PLXNA4: variants seen among roughly 807,000 people sequenced by gnomAD.
The protein encoded by PLXNA4 is plexin-A4.
A neutral mutation model predicts 191.8 loss-of-function variants in PLXNA4; 44 were observed. That is an observed-to-expected ratio of 0.23 (90% CI 0.18 to 0.29). The LOEUF (loss-of-function observed/expected upper bound fraction) is 0.29, where lower values mean the gene tolerates loss of function less well. Ranked by LOEUF, PLXNA4 falls within the 10% of genes least tolerant of loss-of-function variation. The pLI is 1.00. For missense variants in PLXNA4, 1,800 were observed against 2,488.8 expected (o/e 0.72, Z 5.89); for synonymous variants, 1,082 against 1,009.5 (o/e 1.07, Z -1.36).
intron 3 of PLXNA4, among the ~76,000 whole-genome samples, chr7:132,392,634 G>T (rs960277744): frequency 6.6e-6 from 1 of 152,242 alleles, no homozygotes; most frequent in African/African-American, 2.4e-5. Context: ...GAGGTGTGGC[G>T]CAGAGCTGAG....
At chr7:132,490,592 A>T (rs913160646) in intron 2 of PLXNA4, among the ~76,000 whole-genome samples, 1 of 151,594 alleles carries the variant, frequency 6.6e-6, no homozygotes, top group African/African-American at 2.4e-5. Context: ...TGCCTGGCTA[A>T]ATTTTTGTAT....
chr7:132,363,949 C>G (rs1804052250), intron 3 of PLXNA4, among the ~76,000 whole-genome samples: 1 of 152,262 alleles, frequency 6.6e-6, no homozygotes, highest in African/African-American at 2.4e-5. Flanking sequence ...CAGGCTGTGG[C>G]TGGCAGGCTG....
At chr7:132,332,080 A>G (rs1802610116) in intron 3 of PLXNA4, among the ~76,000 whole-genome samples, 1 of 152,208 alleles carries the variant, frequency 6.6e-6, no homozygotes, top group Non-Finnish European at 1.5e-5. Flanking sequence ...TTCATTAACA[A>G]TAAAGTCATT....
intron 3 of PLXNA4, among the ~76,000 whole-genome samples, chr7:132,429,641 G>A (rs1795186875): frequency 6.6e-6 from 1 of 152,110 alleles, no homozygotes; most frequent in Non-Finnish European, 1.5e-5. Flanking sequence ...TCACTTGTGA[G>A]CTATAAAAAC....
chr7:132,501,370 A>C (rs1355656341), intron 2 of PLXNA4, among the ~76,000 whole-genome samples: 1 of 152,186 alleles, frequency 6.6e-6, no homozygotes, highest in Non-Finnish European at 1.5e-5. Flanking sequence ...CATGCAGTCC[A>C]TGTCTCAGTA....
At chr7:132,156,570 C>T (rs1201739452) in intron 25 of PLXNA4, among the ~76,000 whole-genome samples, 2 of 152,214 alleles carry the variant, frequency 1.3e-5, no homozygotes, top group African/African-American at 4.8e-5. Flanking sequence ...ATGCTCTCAG[C>T]AGTGGGAGAA....
At chr7:132,489,237 C>T in intron 3 of PLXNA4, 55 bp downstream of exon 3, 4 of 1,522,264 alleles carry the variant, frequency 2.6e-6, no homozygotes, top group East Asian at 4.6e-5. Context: ...AACATCCAGC[C>T]CAGGAGGGAC....
At chr7:132,324,983 C>A (rs2116658780) in intron 3 of PLXNA4, among the ~76,000 whole-genome samples, 1 of 152,270 alleles carries the variant, frequency 6.6e-6, no homozygotes, top group African/African-American at 2.4e-5. Flanking sequence ...GAGCAGCCTC[C>A]TCTTCTCCAG....
At chr7:132,153,640 A>G (rs1298312518) in intron 25 of PLXNA4, among the ~76,000 whole-genome samples, 1 of 152,112 alleles carries the variant, frequency 6.6e-6, no homozygotes, top group Non-Finnish European at 1.5e-5. Flanking sequence ...TAGATAGGAA[A>G]GAGATCCTCC....
intron 5 of PLXNA4, among the ~76,000 whole-genome samples, chr7:132,239,468 G>A (rs997608891): frequency 6.6e-6 from 1 of 152,178 alleles, no homozygotes; most frequent in African/African-American, 2.4e-5. Flanking sequence ...TTTGAATTAT[G>A]CCAGGTAGGA....
rs1489748994 is a variant in PLXNA4, at chr7:132,124,936, T to TGAG, written c.*5540_*5542dup. The TGAG allele has an allele frequency of 6.6e-6, 1 of 152,212 alleles. No individual in the cohort carries two copies. The highest frequency in any genetic ancestry group is 1.5e-5 in the Non-Finnish European group (1 of 68,044). 9.4% of individuals were successfully genotyped at this position (152,212 alleles called of 1,614,324 possible). A position where few individuals can be genotyped will look rare whatever the true frequency, so the allele number is the denominator to read the frequency against. On this transcript the variant is annotated 3_prime_UTR_variant, in exon 32 of 32. Transcript: ENST00000321063. ...TCAAGGAATTTAATCGGGATCCTAATGAGTATGTATTTCTCTTACAACCAA... is the reference window on the plus strand; with the variant it reads ...TCAAGGAATTTAATCGGGATCCTAATGAGGAGTATGTATTTCTCTTACAACCAA...
At chr7:132,410,467 C>T (rs987030651) in intron 3 of PLXNA4, among the ~76,000 whole-genome samples, 1 of 152,212 alleles carries the variant, frequency 6.6e-6, no homozygotes. Context: ...TAGCCTTCCC[C>T]CCTCCACAGG....
chr7:132,255,570 C>A (rs1799403300), intron 4 of PLXNA4, among the ~76,000 whole-genome samples: 1 of 152,190 alleles, frequency 6.6e-6, no homozygotes, highest in Admixed American at 6.5e-5. Flanking sequence ...TTGCTGAATA[C>A]TTCAGCCCTC....
At chr7:132,263,278 T>C (rs565278853) in intron 4 of PLXNA4, among the ~76,000 whole-genome samples, 20 of 152,292 alleles carry the variant, frequency 1.3e-4, no homozygotes, top group African/African-American at 3.8e-4. Context: ...GGACTGGCCA[T>C]GCCAAATGTG....
At chr7:132,487,918 C>A (rs1355670505) in intron 3 of PLXNA4, among the ~76,000 whole-genome samples, 4 of 152,210 alleles carry the variant, frequency 2.6e-5, no homozygotes, top group Non-Finnish European at 5.9e-5. Context: ...GTATGAAATA[C>A]AATTCTTTGC....
Position 132,278,893 on chromosome 7 carries a change from A to G in PLXNA4, c.1503+19198T>C, listed in dbSNP as rs534430357. Among the ~76,000 whole-genome samples the G allele has an allele frequency of 2.2e-4, 34 of 152,310 alleles. No homozygotes were observed. The South Asian group carries it at 6.2e-3, about 28-fold the overall frequency. ...AGTTCAGGGGATGTGTTTAGCTCCC[A>G]AGGAGAGAAAAGAAACTTTCACACG... On this transcript the variant is annotated intron_variant, in intron 4 of 31. Transcript: ENST00000321063.
At chr7:132,273,279 T>C (rs1584931163) in intron 4 of PLXNA4, among the ~76,000 whole-genome samples, 1 of 152,010 alleles carries the variant, frequency 6.6e-6, no homozygotes, top group Non-Finnish European at 1.5e-5. Context: ...TGGAAACTCT[T>C]TGTTTGGAAC....
chr7:132,385,323 T>C (rs1158604473), intron 3 of PLXNA4: 2 of 1,595,234 alleles, frequency 1.3e-6, no homozygotes, highest in East Asian at 2.2e-5. Context: ...TTAGCAGACT[T>C]AGACCATGGT....
intron 9 of PLXNA4, among the ~76,000 whole-genome samples, chr7:132,215,935 G>A (rs879337438): frequency 1.9e-4 from 29 of 152,214 alleles, no homozygotes; most frequent in Non-Finnish European, 3.7e-4. Context: ...GTTTCCCCGA[G>A]TTTTGTGAGC....
Sources: gnomAD v4.1 joint callset for allele counts (sites outside exome capture counted in the v4.1 genomes callset) on GRCh38, gnomAD v4.1.1 for gene constraint, MANE v1.5 for transcripts, NCBI Gene and HGNC (gene_info 2026-07-23, HGNC 2026-07-21) for gene names.